PEAK1: variants seen among roughly 807,000 people sequenced by gnomAD.
PEAK1 encodes the protein pseudopodium enriched atypical kinase 1, also known as inactive tyrosine-protein kinase PEAK1.
A neutral mutation model predicts 124.7 loss-of-function variants in PEAK1; 54 were observed. The observed-to-expected ratio is 0.43, with a 90% confidence interval of 0.35 to 0.54. The LOEUF is 0.54. Among genes scored for constraint, PEAK1 ranks in the 20% least tolerant of loss-of-function variants. PEAK1 has a pLI of 0.01. For missense variants in PEAK1, 2,046 were observed against 2,134.5 expected, an observed-to-expected ratio of 0.96 and a Z score of 0.82; for synonymous variants, 719 against 760.0, an observed-to-expected ratio of 0.95 and a Z score of 0.89.
intron 2 of PEAK1, among the ~76,000 whole-genome samples, chr15:77,293,409 T>G (rs1281298820): frequency 6.6e-6 from 1 of 152,216 alleles, no homozygotes; most frequent in Non-Finnish European, 1.5e-5. Flanking sequence ...TACCTGATAA[T>G]CACTATATTC....
chr15:77,176,459 T>C (rs953155216), intron 7 of PEAK1, among the ~76,000 whole-genome samples: 2 of 152,136 alleles, frequency 1.3e-5, no homozygotes, highest in African/African-American at 2.4e-5. Flanking sequence ...AGGAACTTAT[T>C]AGAAGTGCAA....
chr15:77,393,241 T>C (rs2141942384), intron 1 of PEAK1, among the ~76,000 whole-genome samples: 1 of 152,264 alleles, frequency 6.6e-6, no homozygotes, highest in South Asian at 2.1e-4. Flanking sequence ...TGGTGCTGGG[T>C]TTGGAGCCAG....
chr15:77,329,933 C>T (rs1174047261), intron 2 of PEAK1, among the ~76,000 whole-genome samples: 2 of 152,064 alleles, frequency 1.3e-5, no homozygotes, highest in African/African-American at 4.8e-5. Flanking sequence ...AGTCAGTTAA[C>T]TAATATCTTG....
intron 2 of PEAK1, among the ~76,000 whole-genome samples, chr15:77,296,281 C>T (rs983612384): frequency 4.0e-5 from 6 of 151,694 alleles, no homozygotes. Context: ...ATTACATATG[C>T]CCTGAAATTA....
At chr15:77,121,406 T>G (rs1310929697) in intron 9 of PEAK1, among the ~76,000 whole-genome samples, 1 of 152,180 alleles carries the variant, frequency 6.6e-6, no homozygotes, top group Non-Finnish European at 1.5e-5. Flanking sequence ...GTAGAATATA[T>G]GAACAGCTTT....
At chr15:77,338,642 A>ATATAT (rs1254103682) in intron 2 of PEAK1, among the ~76,000 whole-genome samples, 1 of 142,094 alleles carries the variant, frequency 7.0e-6, no homozygotes, top group Non-Finnish European at 1.5e-5. Context: ...TTTAAAAAAA[A>ATATAT]AAATATATAT....
intron 2 of PEAK1, among the ~76,000 whole-genome samples, chr15:77,314,000 C>G (rs1286715441): frequency 1.3e-5 from 2 of 152,024 alleles, no homozygotes; most frequent in Non-Finnish European, 2.9e-5. Context: ...AGCGATAAGT[C>G]ATGCTGACAG....
intron 5 of PEAK1, 110 bp downstream of exon 5, chr15:77,283,773 T>C (rs1004554325): frequency 4.5e-5 from 16 of 358,596 alleles, no homozygotes; most frequent in South Asian, 3.4e-4. Context: ...ACGTATGTGG[T>C]TGATAAACAC....
At chr15:77,138,362 A>G (rs2152748865) in intron 8 of PEAK1, among the ~76,000 whole-genome samples, 1 of 152,304 alleles carries the variant, frequency 6.6e-6, no homozygotes, top group South Asian at 2.1e-4. Context: ...GGCCTTGCAT[A>G]TTATTACCAT....
chr15:77,300,525 G>A (rs776202374), intron 2 of PEAK1, among the ~76,000 whole-genome samples: 1 of 152,150 alleles, frequency 6.6e-6, no homozygotes, highest in Non-Finnish European at 1.5e-5. Context: ...ATAGTACATA[G>A]AGTTCCCATG....
At chr15:77,126,971 A>G (rs1047885383) in intron 9 of PEAK1, among the ~76,000 whole-genome samples, 1 of 152,090 alleles carries the variant, frequency 6.6e-6, no homozygotes, top group Non-Finnish European at 1.5e-5. Flanking sequence ...TCTCTCCCCA[A>G]CCTCTTCATA....
chr15:77,346,072 C>G, intron 2 of PEAK1: 1 of 985,348 alleles, frequency 1.0e-6, no homozygotes, highest in Non-Finnish European at 1.2e-6. Flanking sequence ...TAGAGTTAAT[C>G]GAAGGCACAA....
At chr15:77,336,197 G>A (rs925439049) in intron 2 of PEAK1, 1 of 985,208 alleles carries the variant, frequency 1.0e-6, no homozygotes, top group Non-Finnish European at 1.2e-6. Flanking sequence ...GAGCTTCAGG[G>A]GCAGAGAATC....
rs1453990927 is a variant in PEAK1, at chr15:77,321,639, G to A, written c.-602-35135C>T. ...CACTCTGATGGTAGCTTCTTTTGCT[G>A]TGCAGAAGCTCTTTAGTTTAATTAG... is the stretch of plus-strand genomic sequence containing the variant. On this transcript the variant is annotated intron_variant, in intron 2 of 9. Transcript: ENST00000682557. Among the ~76,000 whole-genome samples the A allele has an allele frequency of 3.9e-5, 6 of 152,262 alleles. No homozygotes were observed. In the East Asian group the frequency reaches 9.7e-4, roughly 24 times the overall value.
chr15:77,166,565 CG>C (rs111783609), intron 7 of PEAK1, among the ~76,000 whole-genome samples: 4 of 152,086 alleles, frequency 2.6e-5, no homozygotes, highest in Non-Finnish European at 5.9e-5. Context: ...AAATGTGCCC[CG>C]GGGGGGAATC....
chr15:77,334,907 T>C, intron 2 of PEAK1: 6 of 985,424 alleles, frequency 6.1e-6, no homozygotes, highest in South Asian at 4.7e-5. Context: ...ATTACTGATA[T>C]CCAGCTTCCC....
At chr15:77,228,853 T>C (rs969979096) in intron 6 of PEAK1, among the ~76,000 whole-genome samples, 1 of 152,186 alleles carries the variant, frequency 6.6e-6, no homozygotes, top group African/African-American at 2.4e-5. Context: ...TTGAGGACTC[T>C]AGGTTCTAAT....
intron 2 of PEAK1, chr15:77,349,810 G>C (rs1046173614): frequency 2.0e-6 from 2 of 985,158 alleles, no homozygotes; most frequent in Non-Finnish European, 2.4e-6. Flanking sequence ...TTGCAGCTGA[G>C]GGGACAGCCA....
chr15:77,130,041 A>C (rs1483804288), intron 9 of PEAK1, among the ~76,000 whole-genome samples: 1 of 152,218 alleles, frequency 6.6e-6, no homozygotes, highest in Non-Finnish European at 1.5e-5. Context: ...AAACCTGCCA[A>C]CAACTCCTAG....
Sources: gnomAD v4.1 joint callset for allele counts (sites outside exome capture counted in the v4.1 genomes callset) on GRCh38, gnomAD v4.1.1 for gene constraint, MANE v1.5 for transcripts, NCBI Gene and HGNC (gene_info 2026-07-23, HGNC 2026-07-21) for gene names.